Variants in RALYL observed in about 807,000 individuals in gnomAD.
The protein encoded by RALYL is RNA-binding Raly-like protein.
In RALYL, 29 loss-of-function variants were observed where a neutral mutation model predicts 35.1. The observed-to-expected ratio is 0.83, with a 90% CI of 0.61 to 1.13. RALYL has a LOEUF of 1.13. RALYL is among the 50% of genes most tolerant of loss of function. The pLI, the probability that RALYL is intolerant of heterozygous loss-of-function variation, is 0.00. For missense variants in RALYL, 359 were observed against 360.4 expected, an observed-to-expected ratio of 1.00 and a Z score of 0.03; for synonymous variants, 120 against 127.6, an observed-to-expected ratio of 0.94 and a Z score of 0.40.
At chr8:84,896,560 G>A (rs1844775358) in intron 8 of RALYL, among the ~76,000 whole-genome samples, 2 of 151,568 alleles carry the variant, frequency 1.3e-5, no homozygotes, top group African/African-American at 2.4e-5. Context: ...AAAGTCTTGC[G>A]TGATCTGGCC....
chr8:84,505,461 A>T (rs1003898265), intron 1 of RALYL, among the ~76,000 whole-genome samples: 9 of 152,154 alleles, frequency 5.9e-5, no homozygotes, highest in African/African-American at 1.9e-4. Flanking sequence ...CCAACAATAA[A>T]TTGTGTTATT....
intron 6 of RALYL, among the ~76,000 whole-genome samples, chr8:84,863,835 A>T (rs1182085730): frequency 6.6e-6 from 1 of 152,200 alleles, no homozygotes; most frequent in African/African-American, 2.4e-5. Flanking sequence ...GTAATTATGT[A>T]TTCATGTATC....
chr8:84,548,120 A>G (rs1202288683), intron 2 of RALYL, among the ~76,000 whole-genome samples: 2 of 151,956 alleles, frequency 1.3e-5, no homozygotes, highest in Non-Finnish European at 2.9e-5. Context: ...ATCGTTTAAC[A>G]TTTCTTTGCT....
intron 4 of RALYL, among the ~76,000 whole-genome samples, chr8:84,835,613 G>T (rs560668052): frequency 1.3e-5 from 2 of 149,448 alleles, no homozygotes; most frequent in East Asian, 2.0e-4. Context: ...AACCTGGGAG[G>T]CAGAGGTTGC....
At position 84,508,930 on chromosome 8, in the gene RALYL, A is replaced by G. The variant is rs778985566; in HGVS notation, c.-23-20369A>G. 5.1e-4 allele frequency among the ~76,000 whole-genome samples: 78 copies of G among 152,286 alleles called. 1 individual carries two copies. The highest frequency in any genetic ancestry group is 3.4e-3 in the Middle Eastern group (1 of 294). Reference sequence around the variant, plus strand: ...TCACTAGGTTTTTAGAAAGGAATGAATAATCATTAATATGTAAATGAACAT... The same window carrying G: ...TCACTAGGTTTTTAGAAAGGAATGAGTAATCATTAATATGTAAATGAACAT... On this transcript the variant is annotated intron_variant, in intron 1 of 8. Transcript: ENST00000521268.
At chr8:84,578,353 C>A (rs1432637077) in intron 2 of RALYL, among the ~76,000 whole-genome samples, 1 of 152,202 alleles carries the variant, frequency 6.6e-6, no homozygotes, top group Admixed American at 6.5e-5. Context: ...GTGTCACAGC[C>A]CTGGCTCAGG....
intron 1 of RALYL, among the ~76,000 whole-genome samples, chr8:84,425,932 G>A (rs576939706): frequency 2.6e-5 from 4 of 151,886 alleles, no homozygotes; most frequent in Admixed American, 6.6e-5. Context: ...GGGTTCATTG[G>A]AACTAGGAAA....
Position 84,762,372 on chromosome 8 carries a change from T to G in RALYL, c.257-12207T>G, listed in dbSNP as rs1218303189. Among the ~76,000 whole-genome samples the G allele has an allele frequency of 3.3e-5, 5 of 152,330 alleles. No homozygotes were observed. The East Asian group carries it at 9.6e-4, about 29-fold the overall frequency. On this transcript the variant is annotated intron_variant, in intron 2 of 8. Coordinates refer to ENST00000521268, the MANE Select transcript of RALYL (RefSeq NM_173848.7). ...GATCTTTTGTATTTCCTTGATGCCT[T>G]GCTCTTTCAGGTTTGTATTCTCAGT...
intron 2 of RALYL, among the ~76,000 whole-genome samples, chr8:84,635,719 G>A (rs969227463): frequency 6.6e-6 from 1 of 151,716 alleles, no homozygotes; most frequent in African/African-American, 2.4e-5. Context: ...GATACTGAAA[G>A]TATAGATTTA....
At chr8:84,885,513 T>C (rs946923497) in intron 7 of RALYL, among the ~76,000 whole-genome samples, 2 of 152,148 alleles carry the variant, frequency 1.3e-5, no homozygotes, top group South Asian at 4.1e-4. Flanking sequence ...CATATCAAGA[T>C]AAAAAGTATA....
intron 4 of RALYL, among the ~76,000 whole-genome samples, chr8:84,833,122 A>C (rs1831249155): frequency 6.6e-6 from 1 of 152,054 alleles, no homozygotes; most frequent in Non-Finnish European, 1.5e-5. Flanking sequence ...TAGCCCAAAC[A>C]ACCTTATTTA....
chr8:84,776,287 C>G (rs921886393), intron 3 of RALYL, among the ~76,000 whole-genome samples: 2 of 152,104 alleles, frequency 1.3e-5, no homozygotes, highest in Non-Finnish European at 2.9e-5. Flanking sequence ...CCTAGTCATG[C>G]CTAGTACCCC....
chr8:84,563,380 A>G (rs1273522104), intron 2 of RALYL, among the ~76,000 whole-genome samples: 1 of 151,862 alleles, frequency 6.6e-6, no homozygotes, highest in Non-Finnish European at 1.5e-5. Flanking sequence ...TAAACAGCAC[A>G]AGCATCTTCT....
intron 2 of RALYL, among the ~76,000 whole-genome samples, chr8:84,539,772 A>C (rs2059862434): frequency 6.7e-6 from 1 of 148,632 alleles, no homozygotes; most frequent in African/African-American, 2.5e-5. Context: ...TGTTGAAGAG[A>C]CTCTTGTTTT....
chr8:84,254,265 C>T (rs565992822), intron 1 of RALYL, among the ~76,000 whole-genome samples: 3 of 152,072 alleles, frequency 2.0e-5, no homozygotes, highest in Middle Eastern at 3.4e-3. Flanking sequence ...CTATTTTTTG[C>T]TTTAAAGATA....
At chr8:84,769,230 G>A (rs1814833517) in intron 2 of RALYL, among the ~76,000 whole-genome samples, 1 of 144,042 alleles carries the variant, frequency 6.9e-6, no homozygotes, top group Admixed American at 6.8e-5. Flanking sequence ...AAAAGATTCA[G>A]ACAGCCTCGA....
chr8:84,915,992 A>T (rs1444760290), intron 8 of RALYL, among the ~76,000 whole-genome samples: 2 of 152,154 alleles, frequency 1.3e-5, no homozygotes, highest in Non-Finnish European at 2.9e-5. Context: ...GGCTAGGAAA[A>T]TCAGCCATTT....
At chr8:84,342,845 A>T (rs547315676) in intron 1 of RALYL, among the ~76,000 whole-genome samples, 1 of 152,220 alleles carries the variant, frequency 6.6e-6, no homozygotes, top group South Asian at 2.1e-4. Context: ...ATCACTAAAT[A>T]TAATGAGTGG....
chr8:84,565,395 GA>G (rs1327731029), intron 2 of RALYL, among the ~76,000 whole-genome samples: 6 of 151,400 alleles, frequency 4.0e-5, no homozygotes, highest in Non-Finnish European at 5.9e-5. Context: ...ATCTCAACAG[GA>G]AATATTTATC....
Sources: gnomAD v4.1 joint callset for allele counts (sites outside exome capture counted in the v4.1 genomes callset) on GRCh38, gnomAD v4.1.1 for gene constraint, MANE v1.5 for transcripts, NCBI Gene and HGNC (gene_info 2026-07-23, HGNC 2026-07-21) for gene names.